SDK1: variants seen among roughly 807,000 people sequenced by gnomAD.
The protein encoded by SDK1 is sidekick cell adhesion molecule 1, also known as protein sidekick-1.
A neutral mutation model predicts 245.5 loss-of-function variants in SDK1; 157 were observed. The observed-to-expected ratio is 0.64, with a 90% CI of 0.56 to 0.73. The LOEUF (loss-of-function observed/expected upper bound fraction) is 0.73, where lower values mean the gene tolerates loss of function less well. SDK1 is among the 30% of genes least tolerant of loss of function. The pLI is 0.00. For missense variants in SDK1, 3,583 were observed against 3,002.3 expected (o/e 1.19, Z -4.52); for synonymous variants, 1,647 against 1,278.5 (o/e 1.29, Z -6.15).
chr7:3,741,987 C>CATATATATATAT (rs142076799), intron 4 of SDK1, among the ~76,000 whole-genome samples: 2,450 of 131,940 alleles, frequency 0.019, 40 homozygotes, highest in Admixed American at 0.031. Flanking sequence ...TTGTAGTGTG[C>CATATATATATAT]ATATATATAT....
intron 5 of SDK1, among the ~76,000 whole-genome samples, chr7:3,854,786 C>T (rs1428252722): frequency 6.6e-6 from 1 of 151,808 alleles, no homozygotes; most frequent in South Asian, 2.1e-4. Flanking sequence ...ATAATAGAAA[C>T]AACAAAAAAG....
At chr7:3,496,947 C>G (rs1782044576) in intron 1 of SDK1, among the ~76,000 whole-genome samples, 1 of 152,100 alleles carries the variant, frequency 6.6e-6, no homozygotes. Flanking sequence ...AGCAGCCAAT[C>G]CAAATCCCCA....
At chr7:3,557,486 G>T (rs902556895) in intron 1 of SDK1, among the ~76,000 whole-genome samples, 3 of 152,208 alleles carry the variant, frequency 2.0e-5, no homozygotes, top group Non-Finnish European at 2.9e-5. Context: ...GATGGCAATA[G>T]AAATGTTCAG....
chr7:3,713,508 TC>T (rs1785108051), intron 4 of SDK1, among the ~76,000 whole-genome samples: 1 of 152,126 alleles, frequency 6.6e-6, no homozygotes, highest in Admixed American at 6.5e-5. Context: ...GATATGTCTC[TC>T]CCCCACCCGC....
chr7:3,925,492 C>G (rs759602951), intron 5 of SDK1, among the ~76,000 whole-genome samples: 2 of 152,146 alleles, frequency 1.3e-5, no homozygotes, highest in Non-Finnish European at 2.9e-5. Context: ...AATCTCTCGT[C>G]GCCAAACTAA....
intron 4 of SDK1, among the ~76,000 whole-genome samples, chr7:3,800,731 C>G (rs927018027): frequency 6.6e-6 from 1 of 151,956 alleles, no homozygotes; most frequent in African/African-American, 2.4e-5. Flanking sequence ...CCAAATGATT[C>G]AGAGTTTTTC....
In SDK1 at chr7:3,627,905, G is replaced by T. The variant is rs143624423; in HGVS notation, c.458+8666G>T. On this transcript the variant is annotated intron_variant, in intron 2 of 44. Transcript: ENST00000404826. Reference sequence around the variant, plus strand: ...TTCTTGTTTCTGAATTTCCAGTCCTGTTTCTCCCAGGCCTCTTTCCCATCA... The same window carrying T: ...TTCTTGTTTCTGAATTTCCAGTCCTTTTTCTCCCAGGCCTCTTTCCCATCA... 7.7e-4 allele frequency among the ~76,000 whole-genome samples: 117 copies of T among 152,236 alleles called. 2 individuals are homozygous for T. The highest frequency in any genetic ancestry group is 1.4e-3 in the Non-Finnish European group (92 of 68,018).
intron 1 of SDK1, among the ~76,000 whole-genome samples, chr7:3,316,265 T>A (rs544520390): frequency 6.6e-6 from 1 of 152,238 alleles, no homozygotes. Flanking sequence ...ATTATAATTC[T>A]GTATGTTTAT....
chr7:3,883,069 G>A (rs1781246018), intron 5 of SDK1, among the ~76,000 whole-genome samples: 1 of 152,186 alleles, frequency 6.6e-6, no homozygotes, highest in South Asian at 2.1e-4. Context: ...TGCAGTTTAT[G>A]GAGCTCAGAG....
chr7:3,618,633 C>T (rs941472057), intron 1 of SDK1, among the ~76,000 whole-genome samples: 7 of 152,148 alleles, frequency 4.6e-5, no homozygotes, highest in African/African-American at 1.7e-4. Context: ...CGATTCATGT[C>T]GTTTATGTAT....
At chr7:3,567,178 G>T (rs182287642) in intron 1 of SDK1, among the ~76,000 whole-genome samples, 12 of 152,260 alleles carry the variant, frequency 7.9e-5, no homozygotes, top group Admixed American at 2.0e-4. Context: ...CTGAGGATTT[G>T]GTCACTTTTC....
At chr7:4,042,877 C>G (rs905531874) in intron 17 of SDK1, among the ~76,000 whole-genome samples, 2 of 152,210 alleles carry the variant, frequency 1.3e-5, no homozygotes, top group African/African-American at 4.8e-5. Flanking sequence ...ATTTTTAATT[C>G]CATTGTCCAC....
rs1221003792 is a variant in SDK1 at position 3,672,794 on chromosome 7, T to TAAAA, written c.713+30692_713+30695dup. Among the ~76,000 whole-genome samples the TAAAA allele has an allele frequency of 1.5e-4, 10 of 65,582 alleles. 1 individual carries two copies. Among genetic ancestry groups the TAAAA allele is most frequent in the Admixed American group, 1.3e-3 (6 of 4,656 alleles). The allele number at this position is 65,582 out of a possible 152,430, so 43.0% of individuals were successfully genotyped here. ...ATATATATATATATATATATATATA[T>TAAAA]AAAAAATACAGAAAGCTCTAAGTAT... On this transcript the variant is annotated intron_variant, in intron 4 of 44. Transcript: ENST00000404826.
At chr7:4,083,673 C>A (rs1422117813) in intron 22 of SDK1, among the ~76,000 whole-genome samples, 3 of 146,618 alleles carry the variant, frequency 2.0e-5, no homozygotes, top group African/African-American at 7.7e-5. Flanking sequence ...TCTTTCCTCC[C>A]TCTCTCCCTT....
At chr7:4,263,366 G>C (rs192103656) in intron 44 of SDK1, among the ~76,000 whole-genome samples, 2 of 151,344 alleles carry the variant, frequency 1.3e-5, no homozygotes, top group Non-Finnish European at 2.9e-5. Flanking sequence ...GGGAGGCTGC[G>C]TAGACCTCTG....
intron 1 of SDK1, among the ~76,000 whole-genome samples, chr7:3,373,085 G>C (rs11764387): frequency 0.61 from 93,141 of 152,028 alleles, 28,912 homozygotes; most frequent in South Asian, 0.75. Context: ...TACGGATGTA[G>C]TGTGTTTTAC....
At chr7:3,612,477 T>C (rs529671684) in intron 1 of SDK1, among the ~76,000 whole-genome samples, 1 of 152,314 alleles carries the variant, frequency 6.6e-6, no homozygotes, top group Non-Finnish European at 1.5e-5. Context: ...CATAATGAAC[T>C]GCCAGCAGCT....
At chr7:4,061,389 C>T (rs1471391233) in intron 19 of SDK1, among the ~76,000 whole-genome samples, 1 of 152,120 alleles carries the variant, frequency 6.6e-6, no homozygotes, top group Non-Finnish European at 1.5e-5. Context: ...AAATGCTCAC[C>T]ATCACTGGCC....
chr7:3,917,786 C>G (rs946153156), intron 5 of SDK1, among the ~76,000 whole-genome samples: 2 of 151,762 alleles, frequency 1.3e-5, no homozygotes, highest in Non-Finnish European at 2.9e-5. Context: ...CTGCTACATA[C>G]ATGCACATTA....
Sources: allele counts gnomAD v4.1 joint callset (sites outside exome capture counted in the v4.1 genomes callset), GRCh38; gene constraint gnomAD v4.1.1; transcripts MANE v1.5; gene names NCBI Gene and HGNC (gene_info 2026-07-23, HGNC 2026-07-21).